Variants in COBL observed in about 807,000 individuals in gnomAD.
COBL encodes the protein protein cordon-bleu.
In COBL, 51 loss-of-function variants were observed where a neutral mutation model predicts 98.8. The observed-to-expected ratio is 0.52, with a 90% confidence interval of 0.41 to 0.65. COBL has a LOEUF of 0.65. Ranked by LOEUF, COBL falls within the 30% of genes least tolerant of loss-of-function variation. The probability of loss-of-function intolerance (pLI) is 0.00; values close to 1 mark genes in which losing one functional copy is unlikely to be tolerated. For missense variants in COBL, 1,617 were observed against 1,617.5 expected, an observed-to-expected ratio of 1.00 and a Z score of 0.01; for synonymous variants, 634 against 651.7, an observed-to-expected ratio of 0.97 and a Z score of 0.41.
intron 6 of COBL, among the ~76,000 whole-genome samples, chr7:51,091,788 T>C (rs1474313256): frequency 6.6e-6 from 1 of 152,164 alleles, no homozygotes; most frequent in Non-Finnish European, 1.5e-5. Flanking sequence ...GAGAAATTGA[T>C]TCATCACTTT....
intron 4 of COBL, chr7:51,187,809 T>G: frequency 1.1e-6 from 1 of 928,738 alleles, no homozygotes; most frequent in Non-Finnish European, 1.4e-6. Context: ...AAACTTCCAT[T>G]CCTTGGAGTC....
At chr7:51,277,407 G>A (rs890195493) in intron 1 of COBL, among the ~76,000 whole-genome samples, 1 of 152,116 alleles carries the variant, frequency 6.6e-6, no homozygotes, top group African/African-American at 2.4e-5. Context: ...TAACATCTGT[G>A]GCATCTAGCT....
At chr7:51,103,032 T>C (rs1795946237) in intron 6 of COBL, among the ~76,000 whole-genome samples, 1 of 152,162 alleles carries the variant, frequency 6.6e-6, no homozygotes, top group South Asian at 2.1e-4. Context: ...TCACACTTTG[T>C]TCAGAGGGAA....
chr7:51,289,881 C>A (rs915529002), intron 1 of COBL, among the ~76,000 whole-genome samples: 9 of 152,218 alleles, frequency 5.9e-5, no homozygotes, highest in Non-Finnish European at 1.3e-4. Context: ...TGTTCAATTG[C>A]AGGACACAGA....
intron 6 of COBL, among the ~76,000 whole-genome samples, chr7:51,124,614 C>T (rs1426164526): frequency 6.6e-6 from 1 of 152,152 alleles, no homozygotes; most frequent in Non-Finnish European, 1.5e-5. Context: ...CTGTCCTGGA[C>T]ACCTATGTCG....
rs185735686 is a variant in COBL, at chr7:51,301,157, G to A, written c.41+15436C>T. Among the ~76,000 whole-genome samples, 10 of 152,254 alleles carry A rather than the reference G, an allele frequency of 6.6e-5. No individual in the cohort carries two copies. The East Asian group carries it at 1.6e-3, about 24-fold the overall frequency. ...GCCCCCTCCACCGGCTCCCTCCGGCGCTGCCCTGGGCCACCCTCCCCTCCT... is the reference window on the plus strand; with the variant it reads ...GCCCCCTCCACCGGCTCCCTCCGGCACTGCCCTGGGCCACCCTCCCCTCCT... On this transcript the variant is annotated intron_variant, in intron 1 of 12. Transcript: ENST00000265136.
intron 1 of COBL, among the ~76,000 whole-genome samples, chr7:51,266,441 G>T (rs981704760): frequency 1.3e-5 from 2 of 152,126 alleles, no homozygotes; most frequent in African/African-American, 4.8e-5. Context: ...AGCTGGGCAT[G>T]GTGGCGCATT....
chr7:51,058,771 G>A (rs567908791), intron 7 of COBL, among the ~76,000 whole-genome samples: 18 of 152,340 alleles, frequency 1.2e-4, no homozygotes, highest in African/African-American at 4.1e-4. Flanking sequence ...ATGGACAGCC[G>A]GAGCCTCTGA....
chr7:51,170,342 T>A (rs894088351), intron 5 of COBL, among the ~76,000 whole-genome samples: 1 of 151,938 alleles, frequency 6.6e-6, no homozygotes, highest in Non-Finnish European at 1.5e-5. Context: ...TGAGCTAGTA[T>A]AATTGTAATT....
chr7:51,062,798 G>A (rs940482713), intron 7 of COBL, among the ~76,000 whole-genome samples: 3 of 152,206 alleles, frequency 2.0e-5, no homozygotes, highest in African/African-American at 7.2e-5. Flanking sequence ...TCTGCAGGGG[G>A]TGGCATGAGC....
At chr7:51,248,598 T>G (rs1322741548) in intron 1 of COBL, among the ~76,000 whole-genome samples, 1 of 152,202 alleles carries the variant, frequency 6.6e-6, no homozygotes, top group South Asian at 2.1e-4. Flanking sequence ...ATTTTACAAA[T>G]AGGACACAAA....
Position 51,037,705 on chromosome 7 carries a change from G to C in COBL, c.1406+5678C>G, listed in dbSNP as rs150928061. ...TTCACTGGCTGTACTATGTTGAGAG[G>C]AAGACTCTGGGACTCTGATGTTCCC... On this transcript the variant is annotated intron_variant, in intron 8 of 12. Coordinates refer to ENST00000265136, the MANE Select transcript of COBL (RefSeq NM_015198.5). Among the ~76,000 whole-genome samples the C allele has an allele frequency of 2.4e-3, 368 of 152,302 alleles. 1 individual carries two copies. The highest frequency in any genetic ancestry group is 8.6e-3 in the African/African-American group (359 of 41,556).
chr7:51,032,426 C>G (rs1788254383), intron 8 of COBL: 1 of 152,226 alleles, frequency 6.6e-6, no homozygotes, highest in Non-Finnish European at 1.5e-5. Context: ...TCAGTGAAAG[C>G]TGAAGGTTTG....
Position 51,025,285 on chromosome 7 carries a change from G to A in COBL, c.3592C>T (p.Leu1198Phe), listed in dbSNP as rs541523816. Residue 1198 changes from leucine to phenylalanine, a missense_variant, in exon 12 of 13, where the codon CTT becomes TTT. This residue lies in a region of COBL where 1,304 missense variants were observed against 1,282.0 expected (regional missense o/e 1.02). Transcript: ENST00000265136. Reference sequence around the variant, plus strand: ...ATGGCTGGTGGGGACAGAAGACCAAGGTCTTCTAGCAGAGGACTTTCCGAG... The same window carrying A: ...ATGGCTGGTGGGGACAGAAGACCAAAGTCTTCTAGCAGAGGACTTTCCGAG... ...QGSESPLLED[L>F]GLLSPPAIPP... 1 of 1,611,510 alleles carries A rather than the reference G, an allele frequency of 6.2e-7. No homozygotes were observed. Among genetic ancestry groups the A allele is most frequent in the Non-Finnish European group, 8.5e-7 (1 of 1,179,476 alleles).
intron 5 of COBL, among the ~76,000 whole-genome samples, chr7:51,162,019 G>C (rs955971426): frequency 6.6e-6 from 1 of 152,198 alleles, no homozygotes; most frequent in African/African-American, 2.4e-5. Flanking sequence ...CGTTAGCACA[G>C]TTTATCACTG....
At chr7:51,086,958 C>T (rs1040666415) in intron 6 of COBL, among the ~76,000 whole-genome samples, 1 of 151,842 alleles carries the variant, frequency 6.6e-6, no homozygotes, top group African/African-American at 2.4e-5. Context: ...TGTCCACCAC[C>T]CCCTCTCCAG....
chr7:51,154,947 C>T (rs962095799), intron 5 of COBL, among the ~76,000 whole-genome samples: 3 of 152,178 alleles, frequency 2.0e-5, no homozygotes, highest in Admixed American at 2.0e-4. Context: ...AGCAGGCATG[C>T]GTTCAATGAA....
chr7:51,234,210 G>A (rs1357640807), intron 1 of COBL, among the ~76,000 whole-genome samples: 1 of 152,178 alleles, frequency 6.6e-6, no homozygotes, highest in East Asian at 1.9e-4. Flanking sequence ...AATAGAGACT[G>A]GGCCTCCCAG....
chr7:51,093,145 TA>T (rs771455553), intron 6 of COBL, among the ~76,000 whole-genome samples: 10 of 152,106 alleles, frequency 6.6e-5, no homozygotes, highest in Non-Finnish European at 1.2e-4. Context: ...AAAAGGCTAA[TA>T]ACCAAAATAT....
Sources: gnomAD v4.1 joint callset for allele counts (sites outside exome capture counted in the v4.1 genomes callset) on GRCh38, gnomAD v4.1.1 for gene constraint, gnomAD v4.1.1 regional missense constraint, MANE v1.5 for transcripts, NCBI Gene and HGNC (gene_info 2026-07-23, HGNC 2026-07-21) for gene names.